Variants in GPHN observed in about 807,000 individuals in gnomAD.
GPHN encodes the protein gephyrin.
Under a neutral mutation model 95.5 loss-of-function variants are expected in GPHN, and 17 were observed. That is an observed-to-expected ratio of 0.18 (90% CI 0.12 to 0.27). The LOEUF (loss-of-function observed/expected upper bound fraction) is 0.27, where lower values mean the gene tolerates loss of function less well. GPHN is among the 10% of genes least tolerant of loss of function. The pLI is 1.00. For missense variants in GPHN, 660 were observed against 978.1 expected (o/e 0.67, Z 4.34); for synonymous variants, 320 against 322.5 (o/e 0.99, Z 0.08).
the GPHN span, chr14:67,662,447 G>A: frequency 2.5e-6 from 4 of 1,602,402 alleles, no homozygotes; most frequent in South Asian, 3.3e-5. Context: ...ACACCAGGTA[G>A]AAGAAACAAA....
chr14:66,814,472 A>C (rs1393893425), intron 3 of GPHN, among the ~76,000 whole-genome samples: 1 of 152,182 alleles, frequency 6.6e-6, no homozygotes, highest in East Asian at 1.9e-4. Context: ...CTGAACCTCA[A>C]AGAGGTCAAA....
chr14:66,984,614 A>G (rs112636417), intron 9 of GPHN, among the ~76,000 whole-genome samples: 79 of 152,316 alleles, frequency 5.2e-4, no homozygotes, highest in African/African-American at 1.6e-3. Context: ...AAGACAATAT[A>G]TATCCTGCTT....
At chr14:66,579,498 G>T (rs1480590596) in intron 1 of GPHN, among the ~76,000 whole-genome samples, 1 of 151,476 alleles carries the variant, frequency 6.6e-6, no homozygotes, top group Non-Finnish European at 1.5e-5. Flanking sequence ...TAGACTGAAA[G>T]TGAAGAAATG....
At chr14:67,292,835 A>G in the GPHN span, 1 of 766,550 alleles carries the variant, frequency 1.3e-6, no homozygotes, top group South Asian at 2.3e-5. Flanking sequence ...ATTACTGTTA[A>G]TTACATGTTA....
intron 11 of GPHN, among the ~76,000 whole-genome samples, chr14:67,084,251 AC>A (rs947320587): frequency 6.6e-6 from 1 of 152,208 alleles, no homozygotes; most frequent in African/African-American, 2.4e-5. Context: ...AAATCTCATT[AC>A]CTTTCAAGAG....
intron 1 of GPHN, among the ~76,000 whole-genome samples, chr14:66,639,036 G>A (rs1017071411): frequency 2.6e-5 from 4 of 151,684 alleles, no homozygotes; most frequent in Non-Finnish European, 4.4e-5. Flanking sequence ...TTGCTAAAAG[G>A]ATAGGTAACA....
the GPHN span, among the ~76,000 whole-genome samples, chr14:67,531,814 GGGAGGATTGCTTGAGCCCA>G: frequency 6.8e-6 from 1 of 146,136 alleles, no homozygotes; most frequent in Non-Finnish European, 1.5e-5. Flanking sequence ...AGGCTGAGAT[GGGAGGATTGCTTGAGCCCA>G]GGAGTTCAAG....
the GPHN span, among the ~76,000 whole-genome samples, chr14:67,193,776 C>A: frequency 1.4e-5 from 2 of 138,132 alleles, no homozygotes; most frequent in Admixed American, 7.3e-5. Context: ...GACCCAATTT[C>A]TACAAAAAAA....
intron 17 of GPHN, among the ~76,000 whole-genome samples, chr14:67,125,657 A>G (rs1459268993): frequency 6.6e-6 from 1 of 152,030 alleles, no homozygotes; most frequent in African/African-American, 2.4e-5. Context: ...CATGCCTATA[A>G]TCCCAGCTAC....
chr14:67,629,057 G>C, the GPHN span, among the ~76,000 whole-genome samples: 1 of 152,216 alleles, frequency 6.6e-6, no homozygotes, highest in African/African-American at 2.4e-5. Context: ...AGCAGGGCTG[G>C]GTGGGGTGGC....
intron 9 of GPHN, among the ~76,000 whole-genome samples, chr14:67,010,103 AG>A (rs2072887372): frequency 6.6e-6 from 1 of 152,024 alleles, no homozygotes; most frequent in African/African-American, 2.4e-5. Context: ...TCATACATTC[AG>A]TAAAGAATAT....
intron 16 of GPHN, among the ~76,000 whole-genome samples, chr14:67,118,526 C>T (rs1239965496): frequency 2.0e-5 from 3 of 152,030 alleles, no homozygotes; most frequent in African/African-American, 7.2e-5. Context: ...GAAATTGAGA[C>T]CATCTTGGCT....
chr14:67,665,636 C>G, the GPHN span, among the ~76,000 whole-genome samples: 2 of 152,114 alleles, frequency 1.3e-5, no homozygotes, highest in Non-Finnish European at 2.9e-5. Flanking sequence ...AACTTGAGAC[C>G]AAGTTCCTCT....
chr14:67,654,019 T>C, the GPHN span, among the ~76,000 whole-genome samples: 1 of 152,348 alleles, frequency 6.6e-6, no homozygotes, highest in South Asian at 2.1e-4. Context: ...TCTGGACAGC[T>C]GGAGGATATT....
chr14:67,721,901 G>A, the GPHN span, among the ~76,000 whole-genome samples: 1 of 152,134 alleles, frequency 6.6e-6, no homozygotes, highest in African/African-American at 2.4e-5. Context: ...CAGCGCTAGA[G>A]TCCATGCACT....
chr14:66,899,796 T>G (rs1030086297), intron 5 of GPHN, among the ~76,000 whole-genome samples: 8 of 151,902 alleles, frequency 5.3e-5, no homozygotes, highest in African/African-American at 1.9e-4. Context: ...AGTTGTGATA[T>G]TCCCTCCACT....
intron 10 of GPHN, among the ~76,000 whole-genome samples, chr14:67,054,189 A>G (rs931895895): frequency 6.6e-6 from 1 of 152,232 alleles, no homozygotes; most frequent in African/African-American, 2.4e-5. Flanking sequence ...TGCAGATGAC[A>G]TACTCCTATA....
chr14:66,537,246 ACTAGT>A (rs2059176067), intron 1 of GPHN, among the ~76,000 whole-genome samples: 1 of 152,062 alleles, frequency 6.6e-6, no homozygotes, highest in Admixed American at 6.5e-5. Context: ...TAATGTGGTT[ACTAGT>A]ATAGTTGGGC....
chr14:67,492,429 TCTC>T, the GPHN span, among the ~76,000 whole-genome samples: 1 of 152,162 alleles, frequency 6.6e-6, no homozygotes, highest in Non-Finnish European at 1.5e-5. Flanking sequence ...CAGCAAGCCT[TCTC>T]CTGTCAGTCA....
Sources: allele counts gnomAD v4.1 joint callset (sites outside exome capture counted in the v4.1 genomes callset), GRCh38; gene constraint gnomAD v4.1.1; transcripts MANE v1.5; gene names NCBI Gene and HGNC (gene_info 2026-07-23, HGNC 2026-07-21).